ODAD2: variants seen among roughly 807,000 people sequenced by gnomAD.
ODAD2 encodes outer dynein arm docking complex subunit 2, also known as outer dynein arm-docking complex subunit 2.
In ODAD2, 89 loss-of-function variants were observed where a neutral mutation model predicts 106.8. That is an observed-to-expected ratio of 0.83 (90% CI 0.70 to 0.99). The LOEUF (loss-of-function observed/expected upper bound fraction) is 0.99. Among genes scored for constraint, ODAD2 ranks in the 50% least tolerant of loss-of-function variants. The pLI is 0.00. For missense variants in ODAD2, 1,168 were observed against 1,238.5 expected, an observed-to-expected ratio of 0.94 and a Z score of 0.85; for synonymous variants, 404 against 436.2, an observed-to-expected ratio of 0.93 and a Z score of 0.92.
In ODAD2 at chr10:27,987,278, A is replaced by C. The variant is rs1178787372; in HGVS notation, c.382+108T>G. The C allele has an allele frequency of 3.1e-5, 31 of 985,640 alleles. No homozygotes were observed. In the East Asian group the frequency reaches 7.4e-4, roughly 24 times the overall value. The allele number at this position is 985,640 out of a possible 1,614,324, so 61.1% of individuals were successfully genotyped here. A position where few individuals can be genotyped will look rare whatever the true frequency, so the allele number is the denominator to read the frequency against. Reference sequence around the variant, plus strand: ...TTTGACTTTTTACCTTGTAGATTGTAGAATCTTTTTCAAGAGACTCTAACA... The same window carrying C: ...TTTGACTTTTTACCTTGTAGATTGTCGAATCTTTTTCAAGAGACTCTAACA... On this transcript the variant is annotated intron_variant, in intron 3 of 19. Transcript: ENST00000305242.
intron 17 of ODAD2, among the ~76,000 whole-genome samples, chr10:27,892,888 C>T (rs893840469): frequency 3.3e-5 from 5 of 152,172 alleles, no homozygotes; most frequent in Non-Finnish European, 5.9e-5. Flanking sequence ...GTAACTCACG[C>T]CTGTAATCCC....
chr10:27,909,172 A>G lies in ODAD2; in HGVS notation c.2496-1395T>C, dbSNP rs1843808759. 5.3e-5 allele frequency among the ~76,000 whole-genome samples: 8 copies of G among 152,262 alleles called. No individual in the cohort carries two copies. In the South Asian group the frequency reaches 1.7e-3, roughly 32 times the overall value. The stretch of plus-strand genomic sequence containing the variant: ...TATTTTTTTCACATAAAATTTCACA[A>G]TGAACAACAGTGAATAATGGCCTGC... On this transcript the variant is annotated intron_variant, in intron 16 of 19. Transcript: ENST00000305242.
chr10:27,845,837 T>TA (rs753113912), intron 19 of ODAD2, among the ~76,000 whole-genome samples: 42 of 152,280 alleles, frequency 2.8e-4, no homozygotes, highest in Non-Finnish European at 4.6e-4. Flanking sequence ...GGCCATTACA[T>TA]GATGGTAAAG....
chr10:27,986,073 T>C (rs1275551698), intron 3 of ODAD2, among the ~76,000 whole-genome samples: 1 of 152,130 alleles, frequency 6.6e-6, no homozygotes, highest in African/African-American at 2.4e-5. Flanking sequence ...AAAAGTATAG[T>C]GAAGGCATTA....
At chr10:27,964,255 T>A (rs990774536) in intron 9 of ODAD2, among the ~76,000 whole-genome samples, 2 of 152,238 alleles carry the variant, frequency 1.3e-5, no homozygotes, top group African/African-American at 4.8e-5. Flanking sequence ...CAAAACTCCA[T>A]GGTTAGTGAA....
chr10:27,990,826 C>T (rs1850189165), intron 2 of ODAD2, among the ~76,000 whole-genome samples: 1 of 152,046 alleles, frequency 6.6e-6, no homozygotes, highest in Admixed American at 6.6e-5. Flanking sequence ...CTTCCTGTCC[C>T]AACTCCTACC....
At chr10:27,953,758 T>C (rs1847528430) in intron 10 of ODAD2, among the ~76,000 whole-genome samples, 1 of 152,220 alleles carries the variant, frequency 6.6e-6, no homozygotes, top group Admixed American at 6.5e-5. Flanking sequence ...GAAGGGACTT[T>C]CACTTTGCAT....
At chr10:27,950,332 G>A (rs907681786) in intron 10 of ODAD2, among the ~76,000 whole-genome samples, 2 of 152,144 alleles carry the variant, frequency 1.3e-5, no homozygotes, top group Non-Finnish European at 2.9e-5. Context: ...GTATAACCAC[G>A]TGAGTCAAAG....
chr10:27,985,777 A>T (rs1334467470), intron 3 of ODAD2, among the ~76,000 whole-genome samples: 1 of 150,814 alleles, frequency 6.6e-6, no homozygotes, highest in African/African-American at 2.4e-5. Context: ...AGCCATATAC[A>T]TAATATATAC....
intron 16 of ODAD2, among the ~76,000 whole-genome samples, chr10:27,922,090 C>T (rs1844831490): frequency 1.4e-5 from 2 of 147,724 alleles, no homozygotes; most frequent in South Asian, 2.1e-4. Context: ...TATCTTGAGC[C>T]CAGAAGGTCA....
chr10:27,956,439 C>T (rs1453750095), intron 10 of ODAD2, among the ~76,000 whole-genome samples: 1 of 152,100 alleles, frequency 6.6e-6, no homozygotes, highest in East Asian at 1.9e-4. Context: ...GGAATAAGAC[C>T]GCCTGGATGA....
chr10:27,942,018 G>A (rs1326483581), intron 12 of ODAD2, among the ~76,000 whole-genome samples: 3 of 152,148 alleles, frequency 2.0e-5, no homozygotes, highest in Non-Finnish European at 2.9e-5. Context: ...GGGGTATGGA[G>A]GCTTCCAGGT....
At chr10:27,966,845 C>A (rs1433765862) in intron 9 of ODAD2, among the ~76,000 whole-genome samples, 1 of 151,656 alleles carries the variant, frequency 6.6e-6, no homozygotes, top group South Asian at 2.1e-4. Context: ...ATTTCTCCCA[C>A]CAAGCACAAC....
At chr10:27,981,710 C>A in intron 6 of ODAD2, 128 bp from the exon 7 acceptor site, 1 of 685,726 alleles carries the variant, frequency 1.5e-6, no homozygotes, top group South Asian at 2.1e-5. Flanking sequence ...AGTTTTAATA[C>A]AGGAAATGTA....
chr10:27,945,363 C>T (rs926651216), intron 10 of ODAD2, among the ~76,000 whole-genome samples: 4 of 152,100 alleles, frequency 2.6e-5, no homozygotes, highest in African/African-American at 7.2e-5. Context: ...TAGAACAGTC[C>T]GGAATAGGGA....
At chr10:27,969,195 A>G (rs1405205677) in intron 8 of ODAD2, among the ~76,000 whole-genome samples, 177 bp from the exon 9 acceptor site, 9 of 152,006 alleles carry the variant, frequency 5.9e-5, no homozygotes, top group African/African-American at 1.2e-4. Flanking sequence ...CTCTTTCAGC[A>G]CAGCCCTATG....
At chr10:27,836,354 T>A (rs1219676402) in intron 19 of ODAD2, among the ~76,000 whole-genome samples, 1 of 152,082 alleles carries the variant, frequency 6.6e-6, no homozygotes, top group East Asian at 1.9e-4. Flanking sequence ...CAAACCCAGA[T>A]CTGCTAACAC....
At chr10:27,946,057 T>A (rs1347423522) in intron 10 of ODAD2, among the ~76,000 whole-genome samples, 1 of 149,398 alleles carries the variant, frequency 6.7e-6, no homozygotes, top group Non-Finnish European at 1.5e-5. Flanking sequence ...ATATAATAGA[T>A]AAGGTAAACA....
At chr10:27,871,693 C>G (rs1840905090) in intron 17 of ODAD2, among the ~76,000 whole-genome samples, 3 of 152,146 alleles carry the variant, frequency 2.0e-5, no homozygotes, top group African/African-American at 7.2e-5. Flanking sequence ...TCTGAGGGCT[C>G]TGTTCTGTTC....
Sources: gnomAD v4.1 joint callset for allele counts (sites outside exome capture counted in the v4.1 genomes callset) on GRCh38, gnomAD v4.1.1 for gene constraint, MANE v1.5 for transcripts, NCBI Gene and HGNC (gene_info 2026-07-23, HGNC 2026-07-21) for gene names.